Variants in DZIP1 observed in about 807,000 individuals in gnomAD.
The protein encoded by DZIP1 is DAZ interacting zinc finger protein 1.
DZIP1 carries 97 observed loss-of-function variants against 107.6 expected under a neutral mutation model. The observed-to-expected ratio is 0.90, with a 90% CI of 0.77 to 1.07. The LOEUF is 1.07. DZIP1 is among the 50% of genes least tolerant of loss of function. DZIP1 has a pLI of 0.00. For synonymous variants in DZIP1, 390 were observed against 386.4 expected, an observed-to-expected ratio of 1.01 and a Z score of -0.11; for missense variants, 1,035 against 1,063.6, an observed-to-expected ratio of 0.97 and a Z score of 0.37.
chr13:95,633,109 A>G, intron 6 of DZIP1, 125 bp downstream of exon 6: 1 of 858,742 alleles, frequency 1.2e-6, no homozygotes, highest in Non-Finnish European at 1.8e-6. Flanking sequence ...ATATTTACTT[A>G]CTGAATTGAC....
chr13:95,582,132 A>G lies in DZIP1; in HGVS notation c.*102T>C. On this transcript the variant is annotated 3_prime_UTR_variant, in exon 23 of 23. Coordinates refer to ENST00000376829, the MANE Select transcript of DZIP1 (RefSeq NM_198968.4). ...AATCAGTCTCTGTGTTGCTGTGGGA[A>G]ACACGGTAAGGCAGAAGCACTAGAA... 1 of 1,108,956 alleles carries G rather than the reference A, an allele frequency of 9.0e-7. No individual in the cohort carries two copies. The highest frequency in any genetic ancestry group is 1.4e-6 in the Non-Finnish European group (1 of 731,164). 68.7% of individuals were successfully genotyped at this position (1,108,956 alleles called of 1,614,324 possible).
chr13:95,598,382 CT>C (rs1459400071), intron 15 of DZIP1, among the ~76,000 whole-genome samples: 1 of 152,062 alleles, frequency 6.6e-6, no homozygotes, highest in Non-Finnish European at 1.5e-5. Context: ...CAAAAAGTTA[CT>C]GATCATTAGC....
At chr13:95,637,149 C>T (rs141692962) in intron 5 of DZIP1, 27 of 152,244 alleles carry the variant, frequency 1.8e-4, no homozygotes, top group African/African-American at 6.5e-4. Flanking sequence ...CTTGGGCCTT[C>T]TGGGTAAGAC....
At chr13:95,639,998 A>AT (rs71682947) in intron 5 of DZIP1, among the ~76,000 whole-genome samples, 6,682 of 142,926 alleles carry the variant, frequency 0.047, 176 homozygotes, top group Admixed American at 0.079. Context: ...ATTTTTATTT[A>AT]TTTTTTTTTT....
chr13:95,619,687 GA>G (rs58256706), intron 10 of DZIP1, among the ~76,000 whole-genome samples, 197 bp downstream of exon 10: 1,708 of 134,144 alleles, frequency 0.013, 16 homozygotes, highest in Middle Eastern at 0.063. Context: ...AGTTTCATGA[GA>G]AAAAAAAAAA....
chr13:95,580,336 CAAA>C lies in DZIP1; in HGVS notation c.*1895_*1897del, dbSNP rs1223809252. ...TGGGCAACATAGTGAGACTCTGTCT[CAAA>C]AAAAAAAAAAAAAAAAGATACAACT... On this transcript the variant is annotated 3_prime_UTR_variant, in exon 23 of 23. Coordinates refer to ENST00000376829, the MANE Select transcript of DZIP1 (RefSeq NM_198968.4). 4.4e-4 allele frequency: 25 copies of C among 57,028 alleles called. No individual in the cohort carries two copies. Among genetic ancestry groups the C allele is most frequent in the Non-Finnish European group, 7.0e-4 (18 of 25,604 alleles). The allele number at this position is 57,028 out of a possible 1,614,324, so 3.5% of individuals were successfully genotyped here.
intron 18 of DZIP1, 148 bp from the exon 19 acceptor site, chr13:95,589,355 T>C (rs935403625): frequency 1.6e-6 from 1 of 645,098 alleles, no homozygotes; most frequent in Non-Finnish European, 2.7e-6. Flanking sequence ...AGTTAGAGAC[T>C]GGTAGGAATT....
intron 12 of DZIP1, among the ~76,000 whole-genome samples, chr13:95,611,105 T>A (rs2044988717): frequency 6.6e-6 from 1 of 152,200 alleles, no homozygotes; most frequent in East Asian, 1.9e-4. Context: ...TTGAACCCAG[T>A]CTGTCGACAG....
intron 14 of DZIP1, 53 bp downstream of exon 14, chr13:95,605,950 C>A: frequency 6.4e-7 from 1 of 1,559,750 alleles, no homozygotes; most frequent in South Asian, 1.1e-5. Context: ...ATAAGTTATC[C>A]AACTCAGGGT....
Position 95,641,372 on chromosome 13 carries a change from T to C in DZIP1, c.520A>G (p.Lys174Glu). 6.2e-7 allele frequency: 1 copy of C among 1,614,148 alleles called. No homozygotes were observed. Among genetic ancestry groups the C allele is most frequent in the South Asian group, 1.1e-5 (1 of 91,084 alleles). ...TKQAGEIKTL[K>E]EECKRRKKMI... ...TTCTTCCGGCGTTTGCACTCTTCCTTGAGCGTCTTGATCTCCCCCGCCTGC... is the reference window on the plus strand; with the variant it reads ...TTCTTCCGGCGTTTGCACTCTTCCTCGAGCGTCTTGATCTCCCCCGCCTGC... The change falls in exon 5 of 23, where the codon AAG becomes GAG. Residue 174 changes from lysine to glutamate, a missense_variant. Coordinates refer to ENST00000376829, the MANE Select transcript of DZIP1 (RefSeq NM_198968.4). The surrounding 1 kb of genome is among the most constrained non-coding windows in gnomAD (Gnocchi z 4.3).
chr13:95,590,875 G>C (rs1334617977), intron 16 of DZIP1, among the ~76,000 whole-genome samples: 1 of 152,174 alleles, frequency 6.6e-6, no homozygotes, highest in Non-Finnish European at 1.5e-5. Flanking sequence ...AAGCTGTCGA[G>C]GCAGAAACAG....
intron 9 of DZIP1, among the ~76,000 whole-genome samples, chr13:95,621,365 G>T (rs1310893181): frequency 6.6e-6 from 1 of 152,184 alleles, no homozygotes; most frequent in Non-Finnish European, 1.5e-5. Flanking sequence ...CCGGAATAAG[G>T]GTCACTGAAG....
Position 95,624,860 on chromosome 13 carries a change from TTTC to T in DZIP1, c.877_879del (p.Glu293del), listed in dbSNP as rs534336779. 2.6e-4 allele frequency: 415 copies of T among 1,612,900 alleles called. 4 individuals are homozygous for T. The Admixed American group carries it at 6.1e-3, about 24-fold the overall frequency. On this transcript the variant is annotated inframe_deletion, in exon 8 of 23. Transcript: ENST00000376829. ...TCCATTTCATCAACTAGTTTCTCCT[TTTC>T]TTCTTCTTTCCACCTGTCAAATAAC...
rs536524258 is a variant in DZIP1 at position 95,624,147 on chromosome 13, G to A, written c.972+621C>T. 2.0e-4 allele frequency among the ~76,000 whole-genome samples: 31 copies of A among 152,226 alleles called. No homozygotes were observed. The East Asian group carries it at 5.6e-3, about 28-fold the overall frequency. On this transcript the variant is annotated intron_variant, in intron 8 of 22. Coordinates refer to ENST00000376829, the MANE Select transcript of DZIP1 (RefSeq NM_198968.4). Reference sequence around the variant, plus strand: ...CCCTAGAGGGAGCTCAAGGACCTTCGCTCAGCTCCCTTCCTTTCTCCGTTT... The same window carrying A: ...CCCTAGAGGGAGCTCAAGGACCTTCACTCAGCTCCCTTCCTTTCTCCGTTT...
chr13:95,610,409 C>T (rs865793792), intron 12 of DZIP1, among the ~76,000 whole-genome samples: 3 of 151,556 alleles, frequency 2.0e-5, no homozygotes, highest in East Asian at 3.9e-4. Flanking sequence ...TTTCTGGGCT[C>T]GAGTGATTCT....
At position 95,611,461 on chromosome 13, in the gene DZIP1, A is replaced by G. The variant is rs1170690930; in HGVS notation, c.1347T>C (p.Ser449=). ...IKDFTCNPLN[S]ISEPKGNPLA... Reference sequence around the variant, plus strand: ...TCCACTTACCTTTGGGTTCACTGATACTGTTTAATGGATTACAGGTAAAGT... The same window carrying G: ...TCCACTTACCTTTGGGTTCACTGATGCTGTTTAATGGATTACAGGTAAAGT... The change falls in exon 12 of 23, where the codon AGT becomes AGC. Residue 449 remains serine, a synonymous_variant. Transcript: ENST00000376829. 3 of 1,613,646 alleles carry G rather than the reference A, an allele frequency of 1.9e-6. No homozygotes were observed. In the African/African-American group the frequency reaches 4.0e-5, roughly 22 times the overall value.
intron 10 of DZIP1, among the ~76,000 whole-genome samples, chr13:95,614,725 A>C (rs1023822379): frequency 1.2e-4 from 19 of 152,044 alleles, no homozygotes; most frequent in Non-Finnish European, 8.8e-5. Context: ...CCCTTCCTTC[A>C]TTATGTGACC....
At chr13:95,627,208 C>G (rs1876644575) in intron 7 of DZIP1, among the ~76,000 whole-genome samples, 2 of 152,164 alleles carry the variant, frequency 1.3e-5, no homozygotes, top group African/African-American at 4.8e-5. Flanking sequence ...TAAACCCAAA[C>G]ATCTATGGTC....
At chr13:95,634,452 C>T (rs1566429916) in intron 5 of DZIP1, among the ~76,000 whole-genome samples, 1 of 152,098 alleles carries the variant, frequency 6.6e-6, no homozygotes, top group Non-Finnish European at 1.5e-5. Flanking sequence ...TTTCTGAGGG[C>T]AGGGCCTCTA....
Sources: gnomAD v4.1 joint callset for allele counts (sites outside exome capture counted in the v4.1 genomes callset) on GRCh38, gnomAD v4.1.1 for gene constraint, Gnocchi (gnomAD v3.1) non-coding constraint, MANE v1.5 for transcripts, NCBI Gene and HGNC (gene_info 2026-07-23, HGNC 2026-07-21) for gene names.